The following ULK4 variants were observed in gnomAD, a reference collection of about 807,000 sequenced individuals.
The protein encoded by ULK4 is unc-51 like kinase 4, also known as inactive serine/threonine-protein kinase ULK4.
A neutral mutation model predicts 160.6 loss-of-function variants in ULK4; 133 were observed. That is an observed-to-expected ratio of 0.83 (90% CI 0.72 to 0.96). The LOEUF (loss-of-function observed/expected upper bound fraction) is 0.96, where lower values mean the gene tolerates loss of function less well. Ranked by LOEUF, ULK4 falls within the 40% of genes least tolerant of loss-of-function variation. The probability of loss-of-function intolerance (pLI) is 0.00; values close to 1 mark genes in which losing one functional copy is unlikely to be tolerated. For missense variants in ULK4, 1,580 were observed against 1,499.5 expected (o/e 1.05, Z -0.89); for synonymous variants, 534 against 539.8 (o/e 0.99, Z 0.15).
intron 23 of ULK4, 66 bp downstream of exon 23, chr3:41,717,662 G>A (rs2037316371): frequency 1.3e-6 from 2 of 1,547,146 alleles, no homozygotes; most frequent in South Asian, 2.4e-5. Flanking sequence ...AAGAACTGAT[G>A]CCTAAAAGCC....
intron 31 of ULK4, among the ~76,000 whole-genome samples, chr3:41,567,031 C>T (rs916222050): frequency 6.6e-6 from 1 of 152,134 alleles, no homozygotes; most frequent in African/African-American, 2.4e-5. Context: ...GTCCTGCGCC[C>T]ATTCACCATG....
intron 18 of ULK4, among the ~76,000 whole-genome samples, chr3:41,823,164 G>T (rs1559580931): frequency 6.6e-6 from 1 of 152,208 alleles, no homozygotes; most frequent in Non-Finnish European, 1.5e-5. Context: ...ACAGGGAAAG[G>T]CTTTCTGAAG....
intron 34 of ULK4, among the ~76,000 whole-genome samples, chr3:41,436,748 G>T (rs977686848): frequency 6.6e-6 from 1 of 152,118 alleles, no homozygotes; most frequent in Non-Finnish European, 1.5e-5. Context: ...GCAGACTCAA[G>T]GGCTGCTGCT....
intron 17 of ULK4, among the ~76,000 whole-genome samples, chr3:41,873,366 T>C (rs2625665): frequency 0.059 from 9,002 of 152,054 alleles, 879 homozygotes; most frequent in African/African-American, 0.2. Context: ...AAAACTATTA[T>C]ACAACAGCAA....
At chr3:41,563,742 T>A (rs754677152) in intron 32 of ULK4, among the ~76,000 whole-genome samples, 1 of 152,214 alleles carries the variant, frequency 6.6e-6, no homozygotes, top group Non-Finnish European at 1.5e-5. Context: ...CACTGTTTAT[T>A]CTAGTTAGCC....
rs199511061 is a variant in ULK4 at position 41,911,696 on chromosome 3, T to G, written c.897-37A>C. 9 of 1,482,682 alleles carry G rather than the reference T, an allele frequency of 6.1e-6. No individual in the cohort carries two copies. In the Admixed American group the frequency reaches 1.2e-4, roughly 20 times the overall value. The allele number at this position is 1,482,682 out of a possible 1,614,324, so 91.8% of individuals were successfully genotyped here. A position where few individuals can be genotyped will look rare whatever the true frequency, so the allele number is the denominator to read the frequency against. On this transcript the variant is annotated intron_variant, in intron 9 of 36. Coordinates refer to ENST00000301831, the MANE Select transcript of ULK4 (RefSeq NM_017886.4). ...GAAAACCAACACAATCAAACTTACT[T>G]TGGAGTTCTCTATAGTTTTATGTTA...
Position 41,534,963 on chromosome 3 carries a change from G to A in ULK4, c.3226+31062C>T, listed in dbSNP as rs141477379. On this transcript the variant is annotated intron_variant, in intron 32 of 36. Coordinates refer to ENST00000301831, the MANE Select transcript of ULK4 (RefSeq NM_017886.4). ...AAACCATATCAAACTATATGTATGT[G>A]TATGTGTGTATATACATATACATAC... Among the ~76,000 whole-genome samples, 3 of 152,306 alleles carry A rather than the reference G, an allele frequency of 2.0e-5. No homozygotes were observed. The East Asian group carries it at 5.8e-4, about 29-fold the overall frequency.
chr3:41,938,185 G>A lies in ULK4; in HGVS notation c.151C>T (p.Arg51Cys), dbSNP rs774923215. The change falls in exon 3 of 37, where the codon CGT becomes TGT. Residue 51 changes from arginine (R) to cysteine (C), a missense_variant. Physicochemically the swap from Arg to Cys is radical, Grantham distance 180 (BLOSUM62 -3). Transcript: ENST00000301831. Reference protein sequence around the residue: ...PEITNWVRLTREIKHKNIVTF... With the variant: ...PEITNWVRLTCEIKHKNIVTF... ...ACAATATTCTTGTGTTTTATTTCAC[G>A]GGTGAGACGGACCTATAAAAACACA... 5.8e-5 allele frequency: 93 copies of A among 1,611,210 alleles called. No individual in the cohort carries two copies. The highest frequency in any genetic ancestry group is 1.6e-4 in the Middle Eastern group (1 of 6,070).
chr3:41,400,612 T>C (rs975327121), intron 34 of ULK4, among the ~76,000 whole-genome samples: 3 of 152,204 alleles, frequency 2.0e-5, no homozygotes, highest in Non-Finnish European at 2.9e-5. Context: ...TTGGAGCTAT[T>C]CCAAATAAAA....
At chr3:41,799,562 C>T (rs1401978967) in intron 20 of ULK4, among the ~76,000 whole-genome samples, 4 of 152,074 alleles carry the variant, frequency 2.6e-5, no homozygotes, top group Non-Finnish European at 5.9e-5. Context: ...TCTACTATCG[C>T]CTCTAAATTG....
At chr3:41,594,924 A>T (rs2031590122) in intron 31 of ULK4, among the ~76,000 whole-genome samples, 1 of 152,040 alleles carries the variant, frequency 6.6e-6, no homozygotes, top group Admixed American at 6.6e-5. Flanking sequence ...TTAGGAGAAG[A>T]AAGGCCGATC....
chr3:41,608,092 G>A (rs898088072), intron 31 of ULK4, among the ~76,000 whole-genome samples: 2 of 152,072 alleles, frequency 1.3e-5, no homozygotes, highest in Non-Finnish European at 2.9e-5. Context: ...GTAATAACTT[G>A]CCCCTATTGA....
intron 32 of ULK4, among the ~76,000 whole-genome samples, chr3:41,492,386 A>G (rs555122587): frequency 2.9e-5 from 4 of 138,050 alleles, no homozygotes; most frequent in Admixed American, 1.5e-4. Flanking sequence ...CATCCTCCCC[A>G]GCATCTGTTG....
chr3:41,324,235 ATC>A (rs2080300600), intron 35 of ULK4, among the ~76,000 whole-genome samples: 1 of 152,224 alleles, frequency 6.6e-6, no homozygotes, highest in Admixed American at 6.5e-5. Context: ...GGAAGGAGAC[ATC>A]TAGTTGTGTC....
At chr3:41,944,558 T>C (rs1700057625) in intron 2 of ULK4, among the ~76,000 whole-genome samples, 1 of 152,022 alleles carries the variant, frequency 6.6e-6, no homozygotes, top group Admixed American at 6.6e-5. Flanking sequence ...ACAGCAAAAC[T>C]CCTTAAGGAT....
chr3:41,331,815 C>G (rs989441782), intron 35 of ULK4, among the ~76,000 whole-genome samples: 1 of 152,152 alleles, frequency 6.6e-6, no homozygotes, highest in Non-Finnish European at 1.5e-5. Flanking sequence ...GTTTGACTGG[C>G]TGTCAATTAC....
chr3:41,255,202 C>G (rs1464966632), intron 35 of ULK4, among the ~76,000 whole-genome samples: 1 of 151,140 alleles, frequency 6.6e-6, no homozygotes, highest in Non-Finnish European at 1.5e-5. Context: ...GGCACCAAGG[C>G]CAGGCGCGGT....
chr3:41,325,047 T>G (rs758384803), intron 35 of ULK4, among the ~76,000 whole-genome samples: 2 of 152,164 alleles, frequency 1.3e-5, no homozygotes, highest in Admixed American at 1.3e-4. Flanking sequence ...GGAGGACCAG[T>G]AGGGCCTGTT....
chr3:41,688,891 A>G (rs1194393538), intron 27 of ULK4, among the ~76,000 whole-genome samples: 1 of 152,180 alleles, frequency 6.6e-6, no homozygotes, highest in Non-Finnish European at 1.5e-5. Flanking sequence ...ATAGAACTCT[A>G]ACCCACAACC....
Sources: gnomAD v4.1 joint callset for allele counts (sites outside exome capture counted in the v4.1 genomes callset) on GRCh38, gnomAD v4.1.1 for gene constraint, MANE v1.5 for transcripts, NCBI Gene and HGNC (gene_info 2026-07-23, HGNC 2026-07-21) for gene names.